NPAS3: variants seen among roughly 807,000 people sequenced by gnomAD.
NPAS3 encodes the protein neuronal PAS domain-containing protein 3.
A neutral mutation model predicts 73.1 loss-of-function variants in NPAS3; 14 were observed. The ratio of observed to expected loss-of-function variants is 0.19; its 90% confidence interval spans 0.13 to 0.30. NPAS3 has a LOEUF of 0.30. Among genes scored for constraint, NPAS3 ranks in the 10% least tolerant of loss-of-function variants. The pLI is 1.00. For synonymous variants in NPAS3, 620 were observed against 541.5 expected, an observed-to-expected ratio of 1.14 and a Z score of -2.01; for missense variants, 1,096 against 1,250.0, an observed-to-expected ratio of 0.88 and a Z score of 1.86.
At chr14:32,975,444 C>T (rs1167572109) in intron 1 of NPAS3, among the ~76,000 whole-genome samples, 5 of 152,212 alleles carry the variant, frequency 3.3e-5, no homozygotes, top group Admixed American at 1.3e-4. Flanking sequence ...CCTCAGCCTC[C>T]TGAATAGCAT....
At chr14:33,022,824 T>A (rs2039658945) in intron 1 of NPAS3, among the ~76,000 whole-genome samples, 1 of 152,140 alleles carries the variant, frequency 6.6e-6, no homozygotes, top group South Asian at 2.1e-4. Flanking sequence ...TTAACATTCA[T>A]CAAAATCATG....
intron 6 of NPAS3, among the ~76,000 whole-genome samples, chr14:33,687,593 G>A (rs2060124814): frequency 6.6e-6 from 1 of 152,090 alleles, no homozygotes; most frequent in African/African-American, 2.4e-5. Flanking sequence ...GTCAAAATTA[G>A]GTAGAAACTT....
chr14:33,249,215 T>G lies in NPAS3; in HGVS notation c.385+33789T>G, dbSNP rs148241067. Among the ~76,000 whole-genome samples, 4 of 152,314 alleles carry G rather than the reference T, an allele frequency of 2.6e-5. No homozygotes were observed. In the East Asian group the frequency reaches 7.7e-4, roughly 29 times the overall value. On this transcript the variant is annotated intron_variant, in intron 3 of 11. Transcript: ENST00000356141. ...GGATTTAAGATTATGTAAACACTAC[T>G]TATTCTTACTTTTTGCCTTTTTTCC...
In NPAS3 at chr14:33,767,599, CT is replaced by C. The variant is rs10711937; in HGVS notation, c.853-6722del. On this transcript the variant is annotated intron_variant, in intron 7 of 11. Transcript: ENST00000356141. Reference sequence around the variant, plus strand: ...ATGCTCTAAACCCAGGGACTCTTGTCTTTTTTTTTTTTTTTTCGTACCTGAA... The same window carrying C: ...ATGCTCTAAACCCAGGGACTCTTGTCTTTTTTTTTTTTTTTCGTACCTGAA... 8.8e-3 allele frequency among the ~76,000 whole-genome samples: 1,219 copies of C among 138,626 alleles called. 12 individuals carry two copies. The highest frequency in any genetic ancestry group is 0.028 in the African/African-American group (1,055 of 37,610). The allele number at this position is 138,626 out of a possible 152,430, so 90.9% of individuals were successfully genotyped here.
chr14:33,189,607 T>C (rs1464355036), intron 2 of NPAS3, among the ~76,000 whole-genome samples: 1 of 152,204 alleles, frequency 6.6e-6, no homozygotes, highest in Non-Finnish European at 1.5e-5. Flanking sequence ...GTAGGCACAA[T>C]AGGCACAATA....
intron 1 of NPAS3, among the ~76,000 whole-genome samples, chr14:32,988,983 A>G (rs1295260821): frequency 6.6e-6 from 1 of 152,198 alleles, no homozygotes; most frequent in Admixed American, 6.5e-5. Context: ...TGAGCTAGAC[A>G]TGGTATCTGC....
rs78176483 is a variant in NPAS3 at position 33,253,458 on chromosome 14, A to G, written c.385+38032A>G. On this transcript the variant is annotated intron_variant, in intron 3 of 11. Transcript: ENST00000356141. Reference sequence around the variant, plus strand: ...TTTTTAGGGAGTAAATTACTTTCCCATTATGAGAAGCAGCTCCTCACAACT... The same window carrying G: ...TTTTTAGGGAGTAAATTACTTTCCCGTTATGAGAAGCAGCTCCTCACAACT... Among the ~76,000 whole-genome samples the G allele has an allele frequency of 2.6e-4, 40 of 152,192 alleles. No individual in the cohort carries two copies. The East Asian group carries it at 7.5e-3, about 29-fold the overall frequency.
At chr14:33,786,009 G>A (rs1350496719) in intron 9 of NPAS3, among the ~76,000 whole-genome samples, 1 of 152,154 alleles carries the variant, frequency 6.6e-6, no homozygotes, top group African/African-American at 2.4e-5. Context: ...CCCCACAGCA[G>A]GGAGAAGCCT....
At position 32,977,204 on chromosome 14, in the gene NPAS3, G is replaced by C. The variant is rs114926478; in HGVS notation, c.50+37838G>C. ...AAACTTTCATTTTCCGTATTTTGGA[G>C]CTGGCATCAAGACTTTGCCTACTCA... On this transcript the variant is annotated intron_variant, in intron 1 of 11. Coordinates refer to ENST00000356141, the Ensembl canonical transcript of NPAS3. 2.6e-3 allele frequency among the ~76,000 whole-genome samples: 392 copies of C among 152,170 alleles called. 2 individuals carry two copies. The highest frequency in any genetic ancestry group is 9.2e-3 in the African/African-American group (380 of 41,508).
chr14:33,621,389 G>A (rs1185204606), intron 5 of NPAS3, among the ~76,000 whole-genome samples: 1 of 152,152 alleles, frequency 6.6e-6, no homozygotes, highest in African/African-American at 2.4e-5. Flanking sequence ...TATTAGATGA[G>A]TTTGAAATCC....
chr14:33,766,695 C>T (rs551027472), intron 7 of NPAS3, among the ~76,000 whole-genome samples: 41 of 152,242 alleles, frequency 2.7e-4, no homozygotes, highest in African/African-American at 8.4e-4. Flanking sequence ...TTTGGTTGGA[C>T]GAACTCCCAA....
chr14:33,111,004 G>T (rs571751658), intron 2 of NPAS3, among the ~76,000 whole-genome samples: 1 of 152,318 alleles, frequency 6.6e-6, no homozygotes, highest in African/African-American at 2.4e-5. Context: ...ACCCCTGTGA[G>T]GCTGAACCTC....
chr14:32,962,557 CTTTT>C (rs1365128018), intron 1 of NPAS3, among the ~76,000 whole-genome samples: 7 of 132,872 alleles, frequency 5.3e-5, no homozygotes, highest in Non-Finnish European at 9.8e-5. Flanking sequence ...TTCTTTCTTT[CTTTT>C]TTCTTTTCTT....
chr14:33,017,233 G>A (rs1348549016), intron 1 of NPAS3, among the ~76,000 whole-genome samples: 1 of 152,076 alleles, frequency 6.6e-6, no homozygotes, highest in Non-Finnish European at 1.5e-5. Context: ...TCTGTGATGG[G>A]AACTACCAAA....
intron 4 of NPAS3, among the ~76,000 whole-genome samples, chr14:33,372,857 G>A (rs1392072380): frequency 6.6e-6 from 1 of 152,136 alleles, no homozygotes; most frequent in African/African-American, 2.4e-5. Context: ...CCGAGAACTT[G>A]AGGAGATCAT....
At position 33,448,100 on chromosome 14, in the gene NPAS3, A is replaced by C. The variant is rs2049603824; in HGVS notation, c.468+80832A>C. On this transcript the variant is annotated intron_variant, in intron 4 of 11. Transcript: ENST00000356141. ...TGTAGGAGGAGGGATGGAGAAGATT[A>C]TTAATTCGATTGGACAGATAAAAAA... Among the ~76,000 whole-genome samples the C allele has an allele frequency of 2.6e-5, 4 of 152,294 alleles. 1 individual carries two copies. In the South Asian group the frequency reaches 8.3e-4, roughly 32 times the overall value.
At chr14:33,683,087 T>G (rs1393584303) in intron 6 of NPAS3, among the ~76,000 whole-genome samples, 1 of 152,042 alleles carries the variant, frequency 6.6e-6, no homozygotes, top group Admixed American at 6.5e-5. Flanking sequence ...TAAATCACAG[T>G]GGTTACAACT....
chr14:33,262,321 G>A (rs763715039), intron 3 of NPAS3, among the ~76,000 whole-genome samples: 1 of 152,176 alleles, frequency 6.6e-6, no homozygotes, highest in Non-Finnish European at 1.5e-5. Context: ...AGAAATAAGT[G>A]TAGGCAATAC....
chr14:33,297,887 A>G (rs2042368147), intron 3 of NPAS3, among the ~76,000 whole-genome samples: 1 of 152,216 alleles, frequency 6.6e-6, no homozygotes, highest in African/African-American at 2.4e-5. Context: ...AGGCAGCTTC[A>G]GATGAGTCCT....
Sources: gnomAD v4.1 joint callset for allele counts (sites outside exome capture counted in the v4.1 genomes callset) on GRCh38, gnomAD v4.1.1 for gene constraint, MANE v1.5 for transcripts, NCBI Gene and HGNC (gene_info 2026-07-23, HGNC 2026-07-21) for gene names.